The following ANKRD13C variants were observed in gnomAD, a reference collection of about 807,000 sequenced individuals.
The protein encoded by ANKRD13C is ankyrin repeat domain-containing protein 13C.
In ANKRD13C, 16 loss-of-function variants were observed where a neutral mutation model predicts 65.5. The observed-to-expected ratio is 0.24, with a 90% CI of 0.17 to 0.37. The LOEUF is 0.37. Ranked by LOEUF, ANKRD13C falls within the 10% of genes least tolerant of loss-of-function variation. ANKRD13C has a pLI of 1.00. For missense variants in ANKRD13C, 503 were observed against 655.9 expected (o/e 0.77, Z 2.55); for synonymous variants, 235 against 238.7 (o/e 0.98, Z 0.14).
chr1:70,264,677 C>A (rs1678533335), intron 12 of ANKRD13C, among the ~76,000 whole-genome samples: 1 of 151,990 alleles, frequency 6.6e-6, no homozygotes, highest in Non-Finnish European at 1.5e-5. Flanking sequence ...AGTTTGCTGA[C>A]CCCGTTCTAG....
intron 9 of ANKRD13C, among the ~76,000 whole-genome samples, chr1:70,277,893 T>C (rs1161103829): frequency 6.6e-6 from 1 of 151,688 alleles, no homozygotes; most frequent in Non-Finnish European, 1.5e-5. Context: ...GAAAAGGAAA[T>C]TGGAAATTCC....
At chr1:70,305,442 C>T (rs992420612) in intron 6 of ANKRD13C, among the ~76,000 whole-genome samples, 1 of 151,974 alleles carries the variant, frequency 6.6e-6, no homozygotes, top group Non-Finnish European at 1.5e-5. Context: ...TAGTTCTAGA[C>T]CCTTAAACTT....
rs1200907484 is a variant in ANKRD13C, at chr1:70,270,780, A to C, written c.1495+76T>G. ...TGTTGGGGACCCCTGCTTTAAAAGA[A>C]ATTGCTTATTAAATGTTAATAAACA... is the stretch of plus-strand genomic sequence containing the variant. On this transcript the variant is annotated intron_variant, in intron 12 of 12. Coordinates refer to ENST00000370944, the MANE Select transcript of ANKRD13C (RefSeq NM_030816.5). 6.8e-6 allele frequency: 7 copies of C among 1,033,950 alleles called. No individual in the cohort carries two copies. In the Admixed American group the frequency reaches 1.4e-4, roughly 20 times the overall value. 64.0% of individuals were successfully genotyped at this position (1,033,950 alleles called of 1,614,324 possible). A position where few individuals can be genotyped will look rare whatever the true frequency, so the allele number is the denominator to read the frequency against.
rs756215689 is a variant in ANKRD13C, at chr1:70,300,919, T to C, written c.777-11A>G. On this transcript the variant is annotated splice_polypyrimidine_tract_variant and intron_variant, in intron 6 of 12. Transcript: ENST00000370944. The stretch of plus-strand genomic sequence containing the variant: ...AGAGTTGTGTCAAGCCTGTGAAACA[T>C]GGGTAGATGATAAACTCTGACAAAT... 1 of 1,601,448 alleles carries C rather than the reference T, an allele frequency of 6.2e-7. No homozygotes were observed. Among genetic ancestry groups the C allele is most frequent in the South Asian group, 1.1e-5 (1 of 87,488 alleles).
At chr1:70,324,317 A>C (rs1214841603) in intron 3 of ANKRD13C, among the ~76,000 whole-genome samples, 2 of 152,212 alleles carry the variant, frequency 1.3e-5, no homozygotes, top group Non-Finnish European at 2.9e-5. Flanking sequence ...GTTGAAAAAA[A>C]TTCTGGGTAG....
intron 6 of ANKRD13C, among the ~76,000 whole-genome samples, chr1:70,301,764 T>C (rs559042196): frequency 1.3e-5 from 2 of 152,338 alleles, no homozygotes; most frequent in South Asian, 4.1e-4. Context: ...AAGCACTACT[T>C]GCCGAAATTA....
intron 3 of ANKRD13C, among the ~76,000 whole-genome samples, chr1:70,323,612 C>T (rs894797443): frequency 6.6e-6 from 1 of 151,376 alleles, no homozygotes; most frequent in African/African-American, 2.4e-5. Flanking sequence ...CATTGCATTC[C>T]ATCCAGCCTG....
chr1:70,351,180 A>G (rs946933482), intron 1 of ANKRD13C, among the ~76,000 whole-genome samples: 1 of 152,224 alleles, frequency 6.6e-6, no homozygotes, highest in Non-Finnish European at 1.5e-5. Context: ...GTAAACACTT[A>G]GCACCCTGCT....
intron 11 of ANKRD13C, among the ~76,000 whole-genome samples, chr1:70,274,493 A>AAAAG (rs1558263371): frequency 8.8e-5 from 13 of 147,564 alleles, no homozygotes; most frequent in Admixed American, 2.0e-4. Flanking sequence ...AAAAAAAAAA[A>AAAAG]AAAGAAAGAA....
chr1:70,322,526 C>T (rs1572134161), intron 3 of ANKRD13C, among the ~76,000 whole-genome samples: 2 of 152,214 alleles, frequency 1.3e-5, no homozygotes, highest in East Asian at 3.9e-4. Context: ...CAATCTTTTA[C>T]CTTTAAATTG....
At position 70,322,239 on chromosome 1, in the gene ANKRD13C, A is replaced by C. The variant is rs4649914; in HGVS notation, c.577+2614T>G. On this transcript the variant is annotated intron_variant, in intron 3 of 12. Coordinates refer to ENST00000370944, the MANE Select transcript of ANKRD13C (RefSeq NM_030816.5). Reference sequence around the variant, plus strand: ...ACCGCTTGAACTCGGTCTCAAAAAAAATAAATAAATAAAAATAAGTACAGA... The same window carrying C: ...ACCGCTTGAACTCGGTCTCAAAAAACATAAATAAATAAAAATAAGTACAGA... 3.2e-3 allele frequency among the ~76,000 whole-genome samples: 485 copies of C among 152,266 alleles called. 4 individuals carry two copies. In the South Asian group the frequency reaches 0.036, roughly 11 times the overall value.
intron 12 of ANKRD13C, among the ~76,000 whole-genome samples, chr1:70,267,079 T>G (rs1249863003): frequency 6.6e-6 from 1 of 152,214 alleles, no homozygotes; most frequent in Non-Finnish European, 1.5e-5. Flanking sequence ...TTCTTTCAAT[T>G]TTTGTTTCAT....
At chr1:70,279,670 T>C (rs1057412429) in intron 9 of ANKRD13C, among the ~76,000 whole-genome samples, 1 of 151,920 alleles carries the variant, frequency 6.6e-6, no homozygotes, top group African/African-American at 2.4e-5. Context: ...GCCCAGCTAA[T>C]TTTTGTATTT....
chr1:70,312,921 G>A (rs911002354), intron 5 of ANKRD13C, among the ~76,000 whole-genome samples: 4 of 151,928 alleles, frequency 2.6e-5, no homozygotes, highest in Non-Finnish European at 5.9e-5. Context: ...AAAAATCTAG[G>A]GCAAAATTAG....
chr1:70,302,476 C>T (rs1320270301), intron 6 of ANKRD13C, among the ~76,000 whole-genome samples: 1 of 110,676 alleles, frequency 9.0e-6, no homozygotes, highest in Non-Finnish European at 1.8e-5. Flanking sequence ...CCTGTAATCC[C>T]AGCACTTTGG....
chr1:70,272,990 A>AAAATAAAT (rs56932890), intron 11 of ANKRD13C, among the ~76,000 whole-genome samples: 19,449 of 147,072 alleles, frequency 0.13, 1,487 homozygotes, highest in South Asian at 0.3. Context: ...TCTGTCTCAA[A>AAAATAAAT]AAATAAATAA....
At chr1:70,342,442 G>A (rs1166480201) in intron 1 of ANKRD13C, among the ~76,000 whole-genome samples, 2 of 152,140 alleles carry the variant, frequency 1.3e-5, no homozygotes, top group Non-Finnish European at 2.9e-5. Context: ...GGAGGCTGAG[G>A]CAGGAGAATC....
chr1:70,295,577 C>A (rs11209598), intron 8 of ANKRD13C, among the ~76,000 whole-genome samples: 1 of 152,000 alleles, frequency 6.6e-6, no homozygotes, highest in Non-Finnish European at 1.5e-5. Flanking sequence ...TTTGAATAGT[C>A]TTATATAACC....
At chr1:70,266,809 A>G (rs1486152312) in intron 12 of ANKRD13C, among the ~76,000 whole-genome samples, 1 of 152,106 alleles carries the variant, frequency 6.6e-6, no homozygotes, top group East Asian at 1.9e-4. Context: ...CACACTCGGT[A>G]TGATTTTCGG....
Sources: allele counts gnomAD v4.1 joint callset (sites outside exome capture counted in the v4.1 genomes callset), GRCh38; gene constraint gnomAD v4.1.1; transcripts MANE v1.5; gene names NCBI Gene and HGNC (gene_info 2026-07-23, HGNC 2026-07-21).